The following ZFHX3 variants were observed in gnomAD, a reference collection of about 807,000 sequenced individuals.
ZFHX3 encodes zinc finger homeobox 3, also known as zinc finger homeobox protein 3.
ZFHX3 carries 42 observed loss-of-function variants against 279.1 expected under a neutral mutation model. The ratio of observed to expected loss-of-function variants is 0.15; its 90% CI spans 0.12 to 0.19. ZFHX3 has a LOEUF of 0.19. Among genes scored for constraint, ZFHX3 ranks in the 10% least tolerant of loss-of-function variants. The pLI is 1.00. For synonymous variants in ZFHX3, 2,293 were observed against 1,957.8 expected (o/e 1.17, Z -4.52); for missense variants, 4,981 against 4,754.0 (o/e 1.05, Z -1.40).
At chr16:72,879,707 G>C (rs1182120996) in intron 4 of ZFHX3, among the ~76,000 whole-genome samples, 2 of 152,220 alleles carry the variant, frequency 1.3e-5, no homozygotes, top group Non-Finnish European at 2.9e-5. Context: ...TTACAGGTGT[G>C]AGCCACCATG....
chr16:72,821,247 T>C (rs567359347), intron 5 of ZFHX3, among the ~76,000 whole-genome samples: 1 of 152,250 alleles, frequency 6.6e-6, no homozygotes, highest in East Asian at 1.9e-4. Flanking sequence ...GAACTTATAC[T>C]TAGGGAAGAA....
intron 2 of ZFHX3, among the ~76,000 whole-genome samples, chr16:73,647,963 A>C (rs960649413): frequency 1.1e-4 from 17 of 152,232 alleles, no homozygotes; most frequent in Admixed American, 1.0e-3. Flanking sequence ...CATAAACAAA[A>C]AAAAATTTTA....
intron 1 of ZFHX3, among the ~76,000 whole-genome samples, chr16:73,726,931 C>A (rs898531939): frequency 1.3e-5 from 2 of 152,204 alleles, no homozygotes; most frequent in African/African-American, 4.8e-5. Flanking sequence ...ACGTTGCCCT[C>A]CAGTTGGGAT....
chr16:73,253,353 A>T (rs192504476), intron 5 of ZFHX3, among the ~76,000 whole-genome samples: 1 of 152,328 alleles, frequency 6.6e-6, no homozygotes, highest in Admixed American at 6.5e-5. Context: ...ATCAATGGAA[A>T]GAGAAAGTTA....
chr16:73,154,052 G>T lies in ZFHX3; in HGVS notation c.-1103-10221C>A, dbSNP rs140231764. ...AAATCACACGTCTGCAGAGATTCTG[G>T]CTGTCAACGTGATGCTGGGGTGAAG... On this transcript the variant is annotated intron_variant, in intron 5 of 17. Transcript: ENST00000641206. Among the ~76,000 whole-genome samples the T allele has an allele frequency of 4.0e-3, 614 of 152,214 alleles. 6 individuals are homozygous for T. The highest frequency in any genetic ancestry group is 0.014 in the African/African-American group (587 of 41,526).
intron 1 of ZFHX3, among the ~76,000 whole-genome samples, chr16:73,016,515 G>A (rs544745673): frequency 5.8e-4 from 88 of 152,030 alleles, no homozygotes; most frequent in Non-Finnish European, 1.1e-3. Context: ...TTTCTAGTTT[G>A]CCTTGATTCA....
intron 1 of ZFHX3, among the ~76,000 whole-genome samples, chr16:73,693,711 T>C (rs1213561662): frequency 6.6e-6 from 1 of 152,076 alleles, no homozygotes; most frequent in Non-Finnish European, 1.5e-5. Context: ...ATGTAAACAG[T>C]CCCTCCCTTC....
chr16:73,485,424 GAA>G (rs796678890), intron 2 of ZFHX3, among the ~76,000 whole-genome samples: 14 of 45,254 alleles, frequency 3.1e-4, no homozygotes, highest in South Asian at 1.1e-3. Context: ...GGGTGAGGGA[GAA>G]AAAAAAAAAA....
At chr16:73,141,136 G>A (rs1456706662) in intron 6 of ZFHX3, among the ~76,000 whole-genome samples, 1 of 152,282 alleles carries the variant, frequency 6.6e-6, no homozygotes, top group East Asian at 1.9e-4. Context: ...CCACGCCTAT[G>A]ACCTAATACT....
At chr16:73,070,710 G>C (rs1597146954) in intron 8 of ZFHX3, among the ~76,000 whole-genome samples, 1 of 148,090 alleles carries the variant, frequency 6.8e-6, no homozygotes, top group African/African-American at 2.5e-5. Context: ...TGACATCATT[G>C]TCTCTCTCTC....
At chr16:72,863,702 G>A (rs1251072508) in intron 4 of ZFHX3, among the ~76,000 whole-genome samples, 1 of 152,144 alleles carries the variant, frequency 6.6e-6, no homozygotes, top group Non-Finnish European at 1.5e-5. Flanking sequence ...CATGGGGTCT[G>A]CTGGTTCATA....
In ZFHX3 at chr16:73,514,003, C is replaced by A. The variant is rs142681828; in HGVS notation, c.-1546-57745G>T. Reference sequence around the variant, plus strand: ...ATGTGCAGTGGCTGTAATCCCAGCACTTTGGGAGGCCAAGGCAGTCAGATC... The same window carrying A: ...ATGTGCAGTGGCTGTAATCCCAGCAATTTGGGAGGCCAAGGCAGTCAGATC... On this transcript the variant is annotated intron_variant, in intron 2 of 17. Coordinates refer to the ZFHX3 transcript ENST00000641206. Among the ~76,000 whole-genome samples, 117 of 152,318 alleles carry A rather than the reference C, an allele frequency of 7.7e-4. 1 individual carries two copies. The highest frequency in any genetic ancestry group is 7.7e-3 in the South Asian group (37 of 4,820).
rs1221956660 is a variant in ZFHX3, at chr16:73,454,068, T to C, written c.-1291+1935A>G. Among the ~76,000 whole-genome samples the C allele has an allele frequency of 2.0e-5, 3 of 152,252 alleles. No homozygotes were observed. The East Asian group carries it at 5.8e-4, about 29-fold the overall frequency. On this transcript the variant is annotated intron_variant, in intron 3 of 17. Coordinates refer to the ZFHX3 transcript ENST00000641206. ...AGGCATCCCAGCTCAGCCTTAGACATCAGGGAGCCGAGGTAGGGCATTCCC... is the reference window on the plus strand; with the variant it reads ...AGGCATCCCAGCTCAGCCTTAGACACCAGGGAGCCGAGGTAGGGCATTCCC...
In ZFHX3 at chr16:72,786,551, T is replaced by G. The variant is rs1451059819; in HGVS notation, c.*613A>C. 1 of 149,478 alleles carries G rather than the reference T, an allele frequency of 6.7e-6. No individual in the cohort carries two copies. The highest frequency in any genetic ancestry group is 1.5e-5 in the Non-Finnish European group (1 of 67,502). 9.3% of individuals were successfully genotyped at this position (149,478 alleles called of 1,614,324 possible). A position where few individuals can be genotyped will look rare whatever the true frequency, so the allele number is the denominator to read the frequency against. On this transcript the variant is annotated 3_prime_UTR_variant, in exon 10 of 10. Coordinates refer to ENST00000268489, the MANE Select transcript of ZFHX3 (RefSeq NM_006885.4). Reference sequence around the variant, plus strand: ...TTTCTTGAATACTTTCTGCCCATTTTTAAGTTAACAAAACAAAAAATCTTT... The same window carrying G: ...TTTCTTGAATACTTTCTGCCCATTTGTAAGTTAACAAAACAAAAAATCTTT...
At chr16:73,235,156 G>C (rs1242861162) in intron 5 of ZFHX3, among the ~76,000 whole-genome samples, 1 of 151,986 alleles carries the variant, frequency 6.6e-6, no homozygotes, top group African/African-American at 2.4e-5. Flanking sequence ...TGCAACCTCT[G>C]TCTCCTAGGT....
rs1196350837 is a variant in ZFHX3, at chr16:72,903,191, C to CTTGT, written c.3217-13230_3217-13229insACAA. On this transcript the variant is annotated intron_variant, in intron 3 of 9. Coordinates refer to ENST00000268489, the MANE Select transcript of ZFHX3 (RefSeq NM_006885.4). ...CCACTGTGGAGGTCGTTGAGAAAGG[C>CTTGT]CCATGCTAAGGGCAGGTCCCGCCAA... 6.6e-5 allele frequency among the ~76,000 whole-genome samples: 10 copies of CTTGT among 152,280 alleles called. No homozygotes were observed. The South Asian group carries it at 1.7e-3, about 25-fold the overall frequency.
At chr16:72,936,493 G>A (rs1960132830) in intron 3 of ZFHX3, among the ~76,000 whole-genome samples, 1 of 152,202 alleles carries the variant, frequency 6.6e-6, no homozygotes, top group African/African-American at 2.4e-5. Context: ...TTGAGACTGG[G>A]TTGTCAGGGA....
chr16:73,092,105 T>C (rs62052379), intron 8 of ZFHX3, among the ~76,000 whole-genome samples: 6,758 of 152,264 alleles, frequency 0.044, 208 homozygotes, highest in African/African-American at 0.095. Context: ...AGGACACTAA[T>C]GCCCAGCTAA....
upstream of ZFHX3, chr16:73,061,720 T>G (rs1965686786): frequency 6.8e-6 from 1 of 146,430 alleles, no homozygotes; most frequent in Non-Finnish European, 1.5e-5. Flanking sequence ...AGCTGTTTAT[T>G]TTTTTAAAGA....
Sources: gnomAD v4.1 joint callset for allele counts (sites outside exome capture counted in the v4.1 genomes callset) on GRCh38, gnomAD v4.1.1 for gene constraint, MANE v1.5 for transcripts, NCBI Gene and HGNC (gene_info 2026-07-23, HGNC 2026-07-21) for gene names.